FSTL4: variants seen among roughly 807,000 people sequenced by gnomAD.
FSTL4 encodes the protein follistatin-related protein 4.
In FSTL4, 28 loss-of-function variants were observed where a neutral mutation model predicts 78.2. The observed-to-expected ratio is 0.36, with a 90% CI of 0.27 to 0.49. The LOEUF (loss-of-function observed/expected upper bound fraction) is 0.49, where lower values mean the gene tolerates loss of function less well. Ranked by LOEUF, FSTL4 falls within the 20% of genes least tolerant of loss-of-function variation. The pLI, the probability that FSTL4 is intolerant of heterozygous loss-of-function variation, is 0.98. For missense variants in FSTL4, 922 were observed against 1,084.9 expected, an observed-to-expected ratio of 0.85 and a Z score of 2.11; for synonymous variants, 422 against 440.5, an observed-to-expected ratio of 0.96 and a Z score of 0.53.
intron 3 of FSTL4, among the ~76,000 whole-genome samples, chr5:133,478,800 C>T (rs1457494112): frequency 2.6e-5 from 4 of 152,028 alleles, no homozygotes; most frequent in Non-Finnish European, 4.4e-5. Flanking sequence ...TGCGATGACC[C>T]GGATTGCTAA....
In FSTL4 at chr5:133,389,300, G is replaced by A. The variant is rs545448963; in HGVS notation, c.409+11438C>T. Reference sequence around the variant, plus strand: ...CTGTTTACTCTCACTGCAGCCCAGTGAGATTGACCAGACTGGAATTACAGC... The same window carrying A: ...CTGTTTACTCTCACTGCAGCCCAGTAAGATTGACCAGACTGGAATTACAGC... On this transcript the variant is annotated intron_variant, in intron 4 of 15. Coordinates refer to ENST00000265342, the MANE Select transcript of FSTL4 (RefSeq NM_015082.2). Among the ~76,000 whole-genome samples the A allele has an allele frequency of 3.3e-5, 5 of 152,292 alleles. No homozygotes were observed. The South Asian group carries it at 1.0e-3, about 32-fold the overall frequency.
chr5:133,533,627 C>T (rs907901845), intron 3 of FSTL4, among the ~76,000 whole-genome samples: 1 of 152,194 alleles, frequency 6.6e-6, no homozygotes, highest in African/African-American at 2.4e-5. Flanking sequence ...TCTCCATGTT[C>T]ACAGTTATCT....
chr5:133,529,153 A>G (rs1382995643), intron 3 of FSTL4, among the ~76,000 whole-genome samples: 2 of 152,244 alleles, frequency 1.3e-5, no homozygotes, highest in Non-Finnish European at 2.9e-5. Flanking sequence ...TTCCTGGAGC[A>G]AGAAGTAAAT....
At chr5:133,721,360 C>T in the FSTL4 span, among the ~76,000 whole-genome samples, 2 of 152,162 alleles carry the variant, frequency 1.3e-5, no homozygotes, top group Non-Finnish European at 2.9e-5. Flanking sequence ...ACACATTTAC[C>T]TCTACCAGTG....
intron 2 of FSTL4, among the ~76,000 whole-genome samples, chr5:133,568,659 A>T (rs1307238129): frequency 1.3e-5 from 2 of 152,206 alleles, no homozygotes; most frequent in Admixed American, 6.5e-5. Context: ...CATAGAGATG[A>T]CAGGTTAAAT....
intron 2 of FSTL4, among the ~76,000 whole-genome samples, chr5:133,580,341 C>T (rs978182643): frequency 1.3e-5 from 2 of 152,148 alleles, no homozygotes; most frequent in African/African-American, 4.8e-5. Context: ...GAGCTCTTGA[C>T]GGGCCTCCTG....
intron 3 of FSTL4, among the ~76,000 whole-genome samples, chr5:133,466,930 G>A (rs1757720767): frequency 6.7e-6 from 1 of 148,450 alleles, no homozygotes; most frequent in South Asian, 2.2e-4. Flanking sequence ...GTGTGTGTGA[G>A]AATATGAGTG....
At chr5:133,473,066 C>T (rs1197933414) in intron 3 of FSTL4, among the ~76,000 whole-genome samples, 2 of 152,234 alleles carry the variant, frequency 1.3e-5, no homozygotes, top group Admixed American at 6.5e-5. Flanking sequence ...CCAGTTCTGA[C>T]ACGCCTTCCC....
chr5:133,698,874 C>T, the FSTL4 span, among the ~76,000 whole-genome samples: 1 of 152,216 alleles, frequency 6.6e-6, no homozygotes, highest in African/African-American at 2.4e-5. Flanking sequence ...GGTGGGTTTC[C>T]CTCAAAGGAG....
At chr5:133,278,510 T>C (rs767443685) in intron 6 of FSTL4, among the ~76,000 whole-genome samples, 3 of 152,228 alleles carry the variant, frequency 2.0e-5, no homozygotes, top group Non-Finnish European at 4.4e-5. Flanking sequence ...ATGCTTCCTG[T>C]TCTCTCAGGA....
chr5:133,249,906 G>A (rs1363600427), intron 6 of FSTL4, among the ~76,000 whole-genome samples: 1 of 152,202 alleles, frequency 6.6e-6, no homozygotes, highest in African/African-American at 2.4e-5. Flanking sequence ...CAGAGAGACC[G>A]GGGGGCAGGG....
chr5:133,822,580 C>T, the FSTL4 span, among the ~76,000 whole-genome samples: 36 of 152,030 alleles, frequency 2.4e-4, no homozygotes, highest in African/African-American at 7.2e-4. Flanking sequence ...AGGGTGGAGC[C>T]GTGGGAAATC....
chr5:133,669,361 G>C, the FSTL4 span, among the ~76,000 whole-genome samples: 5 of 152,200 alleles, frequency 3.3e-5, no homozygotes, highest in Non-Finnish European at 7.3e-5. Context: ...GCACCCCGGG[G>C]GCTCATCCTC....
intron 14 of FSTL4, among the ~76,000 whole-genome samples, chr5:133,203,972 AG>A (rs1750411602): frequency 4.2e-5 from 1 of 23,556 alleles, no homozygotes; most frequent in African/African-American, 1.8e-4. Context: ...AGTGCCCTAA[AG>A]ATAGATAACT....
intron 3 of FSTL4, among the ~76,000 whole-genome samples, chr5:133,447,244 A>G (rs1202248213): frequency 3.3e-5 from 5 of 152,224 alleles, no homozygotes; most frequent in Non-Finnish European, 7.3e-5. Flanking sequence ...CCACCTGTCC[A>G]AGCCTCTATA....
At chr5:133,628,491 C>A in the FSTL4 span, among the ~76,000 whole-genome samples, 1 of 152,044 alleles carries the variant, frequency 6.6e-6, no homozygotes, top group Non-Finnish European at 1.5e-5. Context: ...TCCCGAGTAG[C>A]TGGAATTACA....
intron 4 of FSTL4, among the ~76,000 whole-genome samples, chr5:133,345,869 A>C (rs1174526050): frequency 1.3e-5 from 2 of 152,202 alleles, no homozygotes; most frequent in East Asian, 3.9e-4. Context: ...ATACCATTTG[A>C]CCCAGCAATC....
At position 133,498,500 on chromosome 5, in the gene FSTL4, C is replaced by T. The variant is rs530186540; in HGVS notation, c.160+68686G>A. Among the ~76,000 whole-genome samples the T allele has an allele frequency of 4.6e-5, 7 of 152,264 alleles. No individual in the cohort carries two copies. The South Asian group carries it at 6.2e-4, about 14-fold the overall frequency. ...TTGGGAGGCTGAGGCAGGCAGATCA[C>T]GAGAGGCTGGGAGTTCGAGATCAGC... On this transcript the variant is annotated intron_variant, in intron 3 of 15. Coordinates refer to ENST00000265342, the MANE Select transcript of FSTL4 (RefSeq NM_015082.2).
At chr5:133,560,554 G>A (rs200603970) in intron 3 of FSTL4, among the ~76,000 whole-genome samples, 2 of 151,876 alleles carry the variant, frequency 1.3e-5, no homozygotes, top group East Asian at 3.9e-4. Flanking sequence ...TAGTAGAGAC[G>A]GGGTTTTCAC....
Sources: allele counts gnomAD v4.1 joint callset (sites outside exome capture counted in the v4.1 genomes callset), GRCh38; gene constraint gnomAD v4.1.1; transcripts MANE v1.5; gene names NCBI Gene and HGNC (gene_info 2026-07-23, HGNC 2026-07-21).